Variants in SPEF2 observed in about 807,000 individuals in gnomAD.
SPEF2 encodes sperm flagellar and cilia associated 2, also known as sperm flagella and cilia-associated protein 2.
In SPEF2, 187 loss-of-function variants were observed where a neutral mutation model predicts 224.6. That is an observed-to-expected ratio of 0.83 (90% CI 0.74 to 0.94). The LOEUF is 0.94. Among genes scored for constraint, SPEF2 ranks in the 40% least tolerant of loss-of-function variants. The pLI, the probability that SPEF2 is intolerant of heterozygous loss-of-function variation, is 0.00. For synonymous variants in SPEF2, 715 were observed against 707.3 expected, an observed-to-expected ratio of 1.01 and a Z score of -0.17; for missense variants, 2,170 against 2,135.6, an observed-to-expected ratio of 1.02 and a Z score of -0.32.
chr5:35,731,035 T>G (rs757606482), intron 21 of SPEF2, among the ~76,000 whole-genome samples: 1 of 152,110 alleles, frequency 6.6e-6, no homozygotes, highest in Non-Finnish European at 1.5e-5. Flanking sequence ...CACTTGAACA[T>G]TGAAAGAATA....
At position 35,641,866 on chromosome 5, in the gene SPEF2, C is replaced by T. The variant is rs1746665005; in HGVS notation, c.414+183C>T. On this transcript the variant is annotated intron_variant, in intron 3 of 36. Coordinates refer to ENST00000356031, the MANE Select transcript of SPEF2 (RefSeq NM_024867.4). ...GAATTTATTTAGCCATTTTTGATGT[C>T]TCTCTCTATCCTATCCATATTGCCA... The T allele has an allele frequency of 6.9e-6, 4 of 577,836 alleles. No individual in the cohort carries two copies. The East Asian group carries it at 1.3e-4, about 18-fold the overall frequency. 35.8% of individuals were successfully genotyped at this position (577,836 alleles called of 1,614,324 possible). A position where few individuals can be genotyped will look rare whatever the true frequency, so the allele number is the denominator to read the frequency against.
chr5:35,650,103 G>A (rs1747967251), intron 6 of SPEF2, among the ~76,000 whole-genome samples: 1 of 151,984 alleles, frequency 6.6e-6, no homozygotes. Flanking sequence ...GTTAAAGAAG[G>A]TACTAATTCT....
chr5:35,646,785 TGAAAAA>T lies in SPEF2; in HGVS notation c.711_716del (p.Lys238_Lys239del), dbSNP rs1408000893. On this transcript the variant is annotated inframe_deletion, in exon 5 of 37. Transcript: ENST00000356031. ...AAAGCACTCGAGGCCCAAAAAATGATGAAAAAGAAAAAAGAGGCAGAAGTAAGTGAT... is the reference window on the plus strand; with the variant it reads ...AAAGCACTCGAGGCCCAAAAAATGATGAAAAAAGAGGCAGAAGTAAGTGAT... 1.2e-6 allele frequency: 2 copies of T among 1,613,590 alleles called. No individual in the cohort carries two copies. Among genetic ancestry groups the T allele is most frequent in the South Asian group, 1.1e-5 (1 of 91,036 alleles).
chr5:35,626,452 A>G (rs547202504), intron 1 of SPEF2, among the ~76,000 whole-genome samples: 2 of 152,324 alleles, frequency 1.3e-5, no homozygotes, highest in South Asian at 2.1e-4. Context: ...CACATGAACT[A>G]TAGCTGAACA....
chr5:35,779,882 A>G (rs1754089154), intron 30 of SPEF2, among the ~76,000 whole-genome samples: 1 of 152,212 alleles, frequency 6.6e-6, no homozygotes, highest in African/African-American at 2.4e-5. Context: ...CAACAATTTT[A>G]TCTCTTTCAC....
At chr5:35,637,853 G>A (rs1012389103) in intron 2 of SPEF2, among the ~76,000 whole-genome samples, 1 of 152,086 alleles carries the variant, frequency 6.6e-6, no homozygotes, top group Non-Finnish European at 1.5e-5. Flanking sequence ...AGAATGCCAG[G>A]GTAGGTAGGT....
intron 10 of SPEF2, among the ~76,000 whole-genome samples, chr5:35,673,049 T>C (rs1303938237): frequency 6.6e-6 from 1 of 152,186 alleles, no homozygotes; most frequent in Non-Finnish European, 1.5e-5. Flanking sequence ...TCTACCCCAG[T>C]GGCTAGAAAT....
intron 8 of SPEF2, among the ~76,000 whole-genome samples, chr5:35,660,491 G>C (rs188381469): frequency 1.3e-5 from 2 of 152,182 alleles, no homozygotes; most frequent in Admixed American, 1.3e-4. Flanking sequence ...AGCATATTTT[G>C]CAGGGAGGAG....
intron 24 of SPEF2, among the ~76,000 whole-genome samples, chr5:35,758,153 GGATCC>G (rs751564389): frequency 1.9e-4 from 29 of 152,166 alleles, no homozygotes; most frequent in Non-Finnish European, 3.8e-4. Context: ...ATAAATGTAG[GGATCC>G]CTTCATAAAT....
At chr5:35,728,060 T>G (rs888098169) in intron 21 of SPEF2, among the ~76,000 whole-genome samples, 5 of 152,262 alleles carry the variant, frequency 3.3e-5, no homozygotes, top group Admixed American at 6.5e-5. Context: ...ACAAATGGGT[T>G]CTGTGAGGAA....
In SPEF2 at chr5:35,628,481, C is replaced by T; in HGVS notation, c.80C>T (p.Ala27Val). The T allele has an allele frequency of 6.2e-7, 1 of 1,613,708 alleles. No homozygotes were observed. The change falls in exon 2 of 37, where the codon GCA becomes GTA. Residue 27 changes from alanine to valine, a missense_variant. Physicochemically the swap from Ala to Val is moderately conservative, Grantham distance 64 (BLOSUM62 0). Transcript: ENST00000356031. ...TCAGGTCCCAAGTCATTTGCAAAGG[C>T]ATTTTCCAGTGGCTATCTACTTGGA... ...RTVSPKSFAK[A>V]FSSGYLLGEV... is the part of the protein sequence containing the mutation.
chr5:35,745,378 C>T (rs1350572068), intron 23 of SPEF2, among the ~76,000 whole-genome samples: 1 of 152,156 alleles, frequency 6.6e-6, no homozygotes, highest in East Asian at 1.9e-4. Context: ...TAGGGGAAGA[C>T]CCAAGCCCTT....
chr5:35,618,155 G>A, intron 1 of SPEF2, 100 bp downstream of exon 1: 4 of 1,324,116 alleles, frequency 3.0e-6, no homozygotes, highest in Non-Finnish European at 4.2e-6. Context: ...GGCAGGGCGC[G>A]AGCTGCACAG....
intron 27 of SPEF2, 65 bp from the exon 28 acceptor site, chr5:35,773,828 C>G: frequency 6.5e-7 from 1 of 1,535,712 alleles, no homozygotes; most frequent in Non-Finnish European, 8.7e-7. Flanking sequence ...CTCATTCTGT[C>G]CAAGTACTAT....
intron 20 of SPEF2, among the ~76,000 whole-genome samples, chr5:35,726,511 T>C (rs1183390613): frequency 6.6e-6 from 1 of 152,166 alleles, no homozygotes; most frequent in African/African-American, 2.4e-5. Context: ...CTATAGATAA[T>C]AGATACTGTT....
chr5:35,661,717 G>C (rs958236124), intron 8 of SPEF2, among the ~76,000 whole-genome samples: 2 of 152,058 alleles, frequency 1.3e-5, no homozygotes, highest in Non-Finnish European at 2.9e-5. Flanking sequence ...GAGGATAATA[G>C]CCTCCAGCTC....
Position 35,659,219 on chromosome 5 carries a change from C to CT in SPEF2, c.1167+14dup, listed in dbSNP as rs751083978. ...TTGATCGAGAAGCGGTAAATACCAT[C>CT]TTCCTTAGAAATCTTTCTAAGGTTA... On this transcript the variant is annotated intron_variant, in intron 8 of 36. Transcript: ENST00000356031. 1.3e-6 allele frequency: 2 copies of CT among 1,579,656 alleles called. No homozygotes were observed. The highest frequency in any genetic ancestry group is 2.3e-5 in the South Asian group (2 of 87,004).
At chr5:35,792,679 T>A (rs1252365451) in intron 31 of SPEF2, among the ~76,000 whole-genome samples, 1 of 152,250 alleles carries the variant, frequency 6.6e-6, no homozygotes, top group African/African-American at 2.4e-5. Flanking sequence ...GAGACTGTGA[T>A]GTTCAACCAG....
chr5:35,646,519 T>C, intron 4 of SPEF2, 148 bp from the exon 5 acceptor site: 1 of 624,226 alleles, frequency 1.6e-6, no homozygotes, highest in Non-Finnish European at 2.7e-6. Flanking sequence ...CTTCTTAATA[T>C]TACACAGTTG....
Sources: allele counts gnomAD v4.1 joint callset (sites outside exome capture counted in the v4.1 genomes callset), GRCh38; gene constraint gnomAD v4.1.1; transcripts MANE v1.5; gene names NCBI Gene and HGNC (gene_info 2026-07-23, HGNC 2026-07-21).